NINL: variants seen among roughly 807,000 people sequenced by gnomAD.
The protein encoded by NINL is ninein-like protein.
In NINL, 153 loss-of-function variants were observed where a neutral mutation model predicts 160.3. The ratio of observed to expected loss-of-function variants is 0.95; its 90% CI spans 0.84 to 1.09. The LOEUF is 1.09. NINL is among the 50% of genes least tolerant of loss of function. The probability of loss-of-function intolerance (pLI) is 0.00; values close to 1 mark genes in which losing one functional copy is unlikely to be tolerated. For synonymous variants in NINL, 800 were observed against 734.8 expected (o/e 1.09, Z -1.43); for missense variants, 1,829 against 1,764.0 (o/e 1.04, Z -0.66).
At chr20:25,506,587 T>C (rs1045365922) in intron 5 of NINL, among the ~76,000 whole-genome samples, 71 of 152,232 alleles carry the variant, frequency 4.7e-4, no homozygotes, top group African/African-American at 1.7e-3. Flanking sequence ...TAACTGGGCC[T>C]GGCCTACCTT....
intron 10 of NINL, among the ~76,000 whole-genome samples, 180 bp from the exon 11 acceptor site, chr20:25,491,705 C>T (rs2063643056): frequency 6.6e-6 from 1 of 152,228 alleles, no homozygotes; most frequent in Non-Finnish European, 1.5e-5. Flanking sequence ...GTGCTCCTCC[C>T]TCACAGGCTG....
At chr20:25,569,619 G>A (rs1449886045) in intron 1 of NINL, among the ~76,000 whole-genome samples, 1 of 152,244 alleles carries the variant, frequency 6.6e-6, no homozygotes, top group East Asian at 1.9e-4. Flanking sequence ...CCCTGCAGGA[G>A]GCAGGAGAGA....
At position 25,478,833 on chromosome 20, in the gene NINL, C is replaced by T. The variant is rs756905311; in HGVS notation, c.2201+90G>A. The T allele has an allele frequency of 7.0e-6, 10 of 1,434,210 alleles. No individual in the cohort carries two copies. In the East Asian group the frequency reaches 1.8e-4, roughly 26 times the overall value. 88.8% of individuals were successfully genotyped at this position (1,434,210 alleles called of 1,614,324 possible). A position where few individuals can be genotyped will look rare whatever the true frequency, so the allele number is the denominator to read the frequency against. ...AAAACCACCCAGTCGGGAGGCACAG[C>T]AATTCTGAGTTGTTTCCTAAGTCTA... On this transcript the variant is annotated intron_variant, in intron 16 of 23. Transcript: ENST00000278886.
chr20:25,548,133 T>C (rs1383023221), intron 1 of NINL, among the ~76,000 whole-genome samples: 2 of 152,186 alleles, frequency 1.3e-5, no homozygotes, highest in East Asian at 3.9e-4. Flanking sequence ...CATTTAAGGA[T>C]GGCCACCTCC....
intron 8 of NINL, chr20:25,499,008 C>T (rs2063814813): frequency 2.0e-6 from 2 of 985,372 alleles, no homozygotes. Flanking sequence ...CTTTTTCCGC[C>T]TTGGGTATTC....
intron 3 of NINL, among the ~76,000 whole-genome samples, chr20:25,515,611 G>C (rs762897990): frequency 1.3e-5 from 2 of 152,118 alleles, no homozygotes; most frequent in Non-Finnish European, 2.9e-5. Flanking sequence ...TTGGCTGTGT[G>C]TCCCCACCCA....
chr20:25,473,406 A>T (rs2063151392), intron 17 of NINL, among the ~76,000 whole-genome samples: 1 of 151,880 alleles, frequency 6.6e-6, no homozygotes, highest in Non-Finnish European at 1.5e-5. Context: ...GCTTGAGGCC[A>T]GGAGTTTGAG....
intron 1 of NINL, among the ~76,000 whole-genome samples, chr20:25,528,113 T>A (rs1044061030): frequency 2.6e-5 from 4 of 152,192 alleles, no homozygotes; most frequent in African/African-American, 9.7e-5. Context: ...CACTGTAACC[T>A]TGAACTCTTG....
intron 7 of NINL, among the ~76,000 whole-genome samples, chr20:25,502,225 G>A (rs762226150): frequency 2.6e-5 from 4 of 152,014 alleles, no homozygotes; most frequent in Non-Finnish European, 5.9e-5. Context: ...CAAATGATCC[G>A]CCCGCCTTGG....
At chr20:25,501,139 TC>T in intron 7 of NINL, 129 bp from the exon 8 acceptor site, 2 of 1,228,510 alleles carry the variant, frequency 1.6e-6, no homozygotes, top group Non-Finnish European at 2.2e-6. Flanking sequence ...GAGACCATCC[TC>T]AGCTCTCAGA....
At chr20:25,533,235 G>A (rs575389174) in intron 1 of NINL, among the ~76,000 whole-genome samples, 7 of 152,282 alleles carry the variant, frequency 4.6e-5, no homozygotes, top group South Asian at 2.1e-4. Flanking sequence ...GTCTGGAGCC[G>A]ATGATGCCAG....
In NINL at chr20:25,453,575, C is replaced by G. The variant is rs772681395; in HGVS notation, c.4025G>C (p.Arg1342Thr). 6.2e-7 allele frequency: 1 copy of G among 1,614,128 alleles called. No individual in the cohort carries two copies. The highest frequency in any genetic ancestry group is 1.1e-5 in the South Asian group (1 of 91,080). Residue 1342 changes from arginine to threonine, a missense_variant, in exon 24 of 24, where the codon AGA becomes ACA. By Grantham distance (71) the Arg-to-Thr change is moderately conservative (BLOSUM62 -1). Transcript: ENST00000278886. ...CTTCTCCTCGGTGGCCTGAAGTGCTCTCACCAGGTGGGCGTTCTCCACGTA... is the reference window on the plus strand; with the variant it reads ...CTTCTCCTCGGTGGCCTGAAGTGCTGTCACCAGGTGGGCGTTCTCCACGTA... ...ELYVENAHLV[R>T]ALQATEEKQR...
chr20:25,560,533 C>G (rs1387048252), intron 1 of NINL, among the ~76,000 whole-genome samples: 1 of 152,192 alleles, frequency 6.6e-6, no homozygotes, highest in African/African-American at 2.4e-5. Flanking sequence ...GCCTGGAGCC[C>G]AGCAGCCCTG....
Position 25,500,522 on chromosome 20 carries a change from A to G in NINL, c.1032+318T>C, listed in dbSNP as rs571043205. On this transcript the variant is annotated intron_variant, in intron 8 of 23. Transcript: ENST00000278886. ...AGAAATCGTCATCATCACAACAGGC[A>G]ATTTCTTTCCATTCATCTAACCTCC... 5.1e-4 allele frequency among the ~76,000 whole-genome samples: 78 copies of G among 152,296 alleles called. 1 individual carries two copies. The highest frequency in any genetic ancestry group is 9.1e-4 in the Non-Finnish European group (62 of 68,028).
chr20:25,577,352 G>A (rs2065126331), intron 1 of NINL, among the ~76,000 whole-genome samples: 1 of 152,134 alleles, frequency 6.6e-6, no homozygotes, highest in Non-Finnish European at 1.5e-5. Flanking sequence ...ACCCACTTCT[G>A]CCTGCCTGGT....
intron 8 of NINL, among the ~76,000 whole-genome samples, chr20:25,498,557 C>A (rs2063805621): frequency 6.6e-6 from 1 of 152,212 alleles, no homozygotes; most frequent in Non-Finnish European, 1.5e-5. Flanking sequence ...GGTCCTCCTG[C>A]CTCTGCCTCA....
rs143288551 is a variant in NINL at position 25,458,399 on chromosome 20, C to A, written c.3827G>T (p.Arg1276Leu). 1.2e-6 allele frequency: 2 copies of A among 1,606,614 alleles called. No homozygotes were observed. The highest frequency in any genetic ancestry group is 1.7e-5 in the Admixed American group (1 of 60,024). ...CCCACTTACCCGCTGTGCATCCAGG[C>A]GCCTCCTGGCCTGCTCTCCCTGAAG... ...LSLQGEQARR[R>L]LDAQREEHEK... The change falls in exon 22 of 24, where the codon CGC becomes CTC. Residue 1276 changes from arginine to leucine, a missense_variant. Transcript: ENST00000278886.
Position 25,489,930 on chromosome 20 carries a change from G to C in NINL, c.1541C>G (p.Ser514Trp). The C allele has an allele frequency of 6.2e-7, 1 of 1,614,128 alleles. No individual in the cohort carries two copies. Among genetic ancestry groups the C allele is most frequent in the Non-Finnish European group, 8.5e-7 (1 of 1,180,016 alleles). ...CTGCAGCTTCAGGGCCAGCCTCTCC[G>C]AATCCGAAAGCTTTTCCACCACTTC... ...IVEVVEKLSD[S>W]ERLALKLQKD... Residue 514 changes from serine to tryptophan, a missense_variant, in exon 12 of 24, where the codon TCG becomes TGG. Transcript: ENST00000278886.
intron 11 of NINL, among the ~76,000 whole-genome samples, chr20:25,491,115 A>C (rs428278): frequency 6.6e-6 from 1 of 152,104 alleles, no homozygotes. Context: ...CCAGAGCAGA[A>C]AGTGGGAGTG....
Sources: allele counts gnomAD v4.1 joint callset (sites outside exome capture counted in the v4.1 genomes callset), GRCh38; gene constraint gnomAD v4.1.1; transcripts MANE v1.5; gene names NCBI Gene and HGNC (gene_info 2026-07-23, HGNC 2026-07-21).